Variants in TTBK2 observed in about 807,000 individuals in gnomAD.
The protein encoded by TTBK2 is tau-tubulin kinase 2.
In TTBK2, 28 loss-of-function variants were observed where a neutral mutation model predicts 110.8. That is an observed-to-expected ratio of 0.25 (90% CI 0.19 to 0.35). The LOEUF (loss-of-function observed/expected upper bound fraction) is 0.35. TTBK2 is among the 10% of genes least tolerant of loss of function. The pLI, the probability that TTBK2 is intolerant of heterozygous loss-of-function variation, is 1.00. For synonymous variants in TTBK2, 532 were observed against 527.3 expected (o/e 1.01, Z -0.12); for missense variants, 1,369 against 1,500.3 (o/e 0.91, Z 1.45).
chr15:42,748,908 G>A (rs116230143), intron 14 of TTBK2, among the ~76,000 whole-genome samples: 126 of 152,046 alleles, frequency 8.3e-4, no homozygotes, highest in African/African-American at 3.0e-3. Flanking sequence ...GGATTTTTTT[G>A]GTTTAATTCA....
Position 42,752,280 on chromosome 15 carries a change from T to C in TTBK2, c.2966A>G (p.Lys989Arg). 2 of 1,614,180 alleles carry C rather than the reference T, an allele frequency of 1.2e-6. No individual in the cohort carries two copies. The highest frequency in any genetic ancestry group is 1.3e-5 in the African/African-American group (1 of 75,042). The change falls in exon 14 of 15, where the codon AAG becomes AGG. Residue 989 changes from lysine to arginine, a missense_variant. Physicochemically the swap from Lys to Arg is conservative, Grantham distance 26. Around this residue, in one of 4 missense-constraint regions of TTBK2, gnomAD observed 1,097 missense variants for 1,114.7 expected, o/e 0.98. Transcript: ENST00000267890. ...ACTTGAGAGGTCGCCAAGGAAGGAC[T>C]TGAATTGTCTTTTTTCCACCAGAAG... ...VKLLVEKRQFKSFLGDLSSAS... is the reference protein window; with the variant it reads ...VKLLVEKRQFRSFLGDLSSAS...
intron 13 of TTBK2, among the ~76,000 whole-genome samples, chr15:42,763,157 CATATATATATATATATATATATATATAT>C (rs1567008803): frequency 4.9e-5 from 1 of 20,464 alleles, no homozygotes; most frequent in Non-Finnish European, 7.8e-5. Context: ...TATATATATA[CATATATATATATATATATATATATATAT>C]ATATATATTT....
At chr15:42,834,196 A>AAGGG (rs1555429705) in intron 4 of TTBK2, among the ~76,000 whole-genome samples, 2 of 124,284 alleles carry the variant, frequency 1.6e-5, no homozygotes, top group African/African-American at 6.7e-5. Context: ...AAAAAAAAAA[A>AAGGG]GGGGGGGGGT....
At chr15:42,763,296 C>G (rs951189139) in intron 13 of TTBK2, among the ~76,000 whole-genome samples, 20 of 137,986 alleles carry the variant, frequency 1.4e-4, no homozygotes, top group African/African-American at 4.7e-4. Flanking sequence ...TCACTGCAAC[C>G]TCCACCTCCT....
chr15:42,765,320 G>A (rs979665228), intron 13 of TTBK2, among the ~76,000 whole-genome samples: 4 of 152,154 alleles, frequency 2.6e-5, no homozygotes, highest in Admixed American at 2.0e-4. Flanking sequence ...AAACTTCTCC[G>A]AGCTAAAGGA....
At chr15:42,856,568 G>A (rs528515375) in intron 3 of TTBK2, among the ~76,000 whole-genome samples, 5 of 152,160 alleles carry the variant, frequency 3.3e-5, no homozygotes, top group East Asian at 3.9e-4. Context: ...GTAAAATAAC[G>A]GTTAATTTTG....
Position 42,809,238 on chromosome 15 carries a change from C to A in TTBK2, c.822+1376G>T, listed in dbSNP as rs184907963. Among the ~76,000 whole-genome samples the A allele has an allele frequency of 2.1e-3, 313 of 152,320 alleles. 2 individuals are homozygous for A. The highest frequency in any genetic ancestry group is 3.6e-3 in the Non-Finnish European group (245 of 68,012). On this transcript the variant is annotated intron_variant, in intron 9 of 14. Transcript: ENST00000267890. ...GAAACAAAGTAATGTTATGCCTGTT[C>A]TCTTTCTTTCAAAAATGGAAAATTA...
intron 13 of TTBK2, among the ~76,000 whole-genome samples, chr15:42,765,905 A>T (rs935734994): frequency 2.6e-5 from 4 of 152,228 alleles, no homozygotes; most frequent in Non-Finnish European, 5.9e-5. Flanking sequence ...AGCCCATCAG[A>T]CTAACAGCAG....
At chr15:42,876,479 G>C (rs868297445) in intron 2 of TTBK2, among the ~76,000 whole-genome samples, 1 of 152,138 alleles carries the variant, frequency 6.6e-6, no homozygotes, top group Non-Finnish European at 1.5e-5. Context: ...AGCAACTGCT[G>C]AATCTCCCTG....
intron 9 of TTBK2, among the ~76,000 whole-genome samples, chr15:42,795,987 A>G (rs1890922189): frequency 6.6e-6 from 1 of 152,208 alleles, no homozygotes; most frequent in Admixed American, 6.5e-5. Flanking sequence ...AGTAAAGGTG[A>G]TAAGAACTGC....
intron 1 of TTBK2, among the ~76,000 whole-genome samples, chr15:42,893,953 A>G (rs1895569046): frequency 1.3e-5 from 2 of 152,194 alleles, no homozygotes; most frequent in South Asian, 4.1e-4. Flanking sequence ...AAATATGGGC[A>G]TGATATGGTT....
At position 42,752,724 on chromosome 15, in the gene TTBK2, T is replaced by C. The variant is rs772880568; in HGVS notation, c.2522A>G (p.Asn841Ser). The change falls in exon 14 of 15, where the codon AAT (asparagine) becomes AGT (serine). Residue 841 changes from asparagine (N) to serine (S), a missense_variant. Coordinates refer to ENST00000267890, the MANE Select transcript of TTBK2 (RefSeq NM_173500.4). ...AACTGTCAGAAGCTTCATTATCTCA[T>C]TATTTTTGTCTTGATTTGGCACCAC... The part of the protein sequence containing the change: ...FSVVPNQDKN[N>S]EIMKLLTVGT... 7 of 1,614,082 alleles carry C rather than the reference T, an allele frequency of 4.3e-6. No individual in the cohort carries two copies. Among genetic ancestry groups the C allele is most frequent in the South Asian group, 2.2e-5 (2 of 91,090 alleles).
At chr15:42,913,090 A>T (rs975211985) in intron 1 of TTBK2, among the ~76,000 whole-genome samples, 1 of 141,466 alleles carries the variant, frequency 7.1e-6, no homozygotes, top group Non-Finnish European at 1.5e-5. Context: ...GCGCCACTGC[A>T]GTCCTCAGTC....
At chr15:42,760,291 C>A (rs567504277) in intron 13 of TTBK2, among the ~76,000 whole-genome samples, 1 of 147,242 alleles carries the variant, frequency 6.8e-6, no homozygotes, top group South Asian at 2.1e-4. Context: ...GAGGCTGAGG[C>A]AGAAGAATTG....
chr15:42,804,541 G>A (rs1891376028), intron 9 of TTBK2, among the ~76,000 whole-genome samples: 1 of 152,070 alleles, frequency 6.6e-6, no homozygotes, highest in African/African-American at 2.4e-5. Flanking sequence ...TCCAAACAGT[G>A]TGTGGCAAAG....
At chr15:42,871,021 A>G (rs556186265) in intron 3 of TTBK2, among the ~76,000 whole-genome samples, 253 of 152,314 alleles carry the variant, frequency 1.7e-3, no homozygotes, top group Non-Finnish European at 1.9e-3. Context: ...CCAACATGAC[A>G]GCAAGAGCAG....
chr15:42,916,945 A>T (rs181014242), intron 1 of TTBK2, among the ~76,000 whole-genome samples: 2 of 152,332 alleles, frequency 1.3e-5, no homozygotes, highest in East Asian at 3.9e-4. Context: ...CAAACATTTT[A>T]AAATGCTGAT....
Position 42,752,899 on chromosome 15 carries a change from G to C in TTBK2, c.2347C>G (p.Leu783Val). Residue 783 changes from leucine to valine, a missense_variant, in exon 14 of 15, where the codon CTT becomes GTT. Coordinates refer to ENST00000267890, the MANE Select transcript of TTBK2 (RefSeq NM_173500.4). ...TCATCTTCATTATCTGACTCTAAAA[G>C]GATGCTTTTCTCTTCAGTTTCCCCA... Reference protein sequence around the residue: ...LPGETEEKSILLESDNEDEKL... With the variant: ...LPGETEEKSIVLESDNEDEKL... 1 of 1,614,146 alleles carries C rather than the reference G, an allele frequency of 6.2e-7. No individual in the cohort carries two copies. The highest frequency in any genetic ancestry group is 1.3e-5 in the African/African-American group (1 of 75,040).
chr15:42,838,477 A>C (rs1893086254), intron 4 of TTBK2, among the ~76,000 whole-genome samples: 1 of 151,708 alleles, frequency 6.6e-6, no homozygotes, highest in Admixed American at 6.6e-5. Flanking sequence ...CCTTTTCTGA[A>C]TTTCTTTCCT....
Sources: gnomAD v4.1 joint callset for allele counts (sites outside exome capture counted in the v4.1 genomes callset) on GRCh38, gnomAD v4.1.1 for gene constraint, gnomAD v4.1.1 regional missense constraint, MANE v1.5 for transcripts, NCBI Gene and HGNC (gene_info 2026-07-23, HGNC 2026-07-21) for gene names.